Variants in ADAMTS19 observed in about 807,000 individuals in gnomAD.
ADAMTS19 encodes ADAM metallopeptidase with thrombospondin type 1 motif 19, also known as A disintegrin and metalloproteinase with thrombospondin motifs 19.
ADAMTS19 carries 93 observed loss-of-function variants against 153.3 expected under a neutral mutation model. That is an observed-to-expected ratio of 0.61 (90% CI 0.51 to 0.72). ADAMTS19 has a LOEUF of 0.72. Ranked by LOEUF, ADAMTS19 falls within the 30% of genes least tolerant of loss-of-function variation. The pLI is 0.00. For synonymous variants in ADAMTS19, 600 were observed against 556.6 expected (o/e 1.08, Z -1.10); for missense variants, 1,482 against 1,552.1 (o/e 0.95, Z 0.76).
At chr5:129,725,938 T>C (rs1308622271) in intron 21 of ADAMTS19, among the ~76,000 whole-genome samples, 1 of 152,140 alleles carries the variant, frequency 6.6e-6, no homozygotes, top group African/African-American at 2.4e-5. Context: ...GTAGATTTAA[T>C]TGATGAATAT....
Position 129,526,443 on chromosome 5 carries a change from C to G in ADAMTS19, c.1073C>G (p.Thr358Ser). The G allele has an allele frequency of 6.3e-7, 1 of 1,594,870 alleles. No homozygotes were observed. Among genetic ancestry groups the G allele is most frequent in the Non-Finnish European group, 8.5e-7 (1 of 1,172,824 alleles). ...GATGCAGCCAGGAGATTCATTCTAA[C>G]CATCTTAAATATGGTAGGCAAACTT... Reference protein sequence around the residue: ...GADAARRFILTILNMVFNLFQ... With the variant: ...GADAARRFILSILNMVFNLFQ... Residue 358 changes from threonine to serine, a missense_variant, in exon 4 of 23, where the codon ACC becomes AGC. Transcript: ENST00000274487.
At chr5:129,514,489 G>A (rs576403535) in intron 3 of ADAMTS19, among the ~76,000 whole-genome samples, 144 of 152,092 alleles carry the variant, frequency 9.5e-4, no homozygotes, top group African/African-American at 3.3e-3. Context: ...TTTTAACTGG[G>A]GTGAGATGAT....
At chr5:129,517,867 G>A (rs1193123035) in intron 3 of ADAMTS19, among the ~76,000 whole-genome samples, 1 of 151,678 alleles carries the variant, frequency 6.6e-6, no homozygotes, top group African/African-American at 2.4e-5. Flanking sequence ...TATCTTCCTT[G>A]TTTCTTTTCT....
At chr5:129,585,649 G>T (rs1369815695) in intron 7 of ADAMTS19, among the ~76,000 whole-genome samples, 1 of 151,972 alleles carries the variant, frequency 6.6e-6, no homozygotes. Flanking sequence ...GCATTTCCGT[G>T]TTTCAATTTG....
intron 8 of ADAMTS19, among the ~76,000 whole-genome samples, chr5:129,612,314 T>C (rs894137561): frequency 1.3e-5 from 2 of 151,998 alleles, no homozygotes; most frequent in Admixed American, 6.6e-5. Flanking sequence ...GCATCATTTT[T>C]TATGGCTGCA....
intron 21 of ADAMTS19, among the ~76,000 whole-genome samples, chr5:129,732,226 A>C (rs1009319818): frequency 1.3e-5 from 2 of 152,132 alleles, no homozygotes; most frequent in Non-Finnish European, 2.9e-5. Context: ...AGCCAACATC[A>C]TACTGAATGG....
rs575467084 is a variant in ADAMTS19 at position 129,673,952 on chromosome 5, CG to C, written c.2507-5808del. Among the ~76,000 whole-genome samples, 13 of 152,084 alleles carry C rather than the reference CG, an allele frequency of 8.5e-5. No homozygotes were observed. The East Asian group carries it at 2.3e-3, about 27-fold the overall frequency. On this transcript the variant is annotated intron_variant, in intron 16 of 22. Coordinates refer to ENST00000274487, the MANE Select transcript of ADAMTS19 (RefSeq NM_133638.6). ...ATCCATTAATAATATGGCCATTGGC[CG>C]GGGACGGTAACTCACGCCTGTAATG...
chr5:129,539,070 T>C (rs138172633), intron 6 of ADAMTS19, among the ~76,000 whole-genome samples: 33 of 152,246 alleles, frequency 2.2e-4, no homozygotes, highest in African/African-American at 7.5e-4. Flanking sequence ...TACGATTATG[T>C]CTGGCAAGTA....
At chr5:129,681,518 G>A (rs1754811199) in intron 17 of ADAMTS19, among the ~76,000 whole-genome samples, 1 of 151,976 alleles carries the variant, frequency 6.6e-6, no homozygotes, top group Non-Finnish European at 1.5e-5. Context: ...ATAATCCTGT[G>A]TAATATATAT....
intron 21 of ADAMTS19, among the ~76,000 whole-genome samples, chr5:129,714,979 T>A (rs193103126): frequency 4.1e-4 from 63 of 152,276 alleles, no homozygotes; most frequent in African/African-American, 1.3e-3. Flanking sequence ...TTTAAAAAAA[T>A]TTATAGATAA....
intron 2 of ADAMTS19, among the ~76,000 whole-genome samples, chr5:129,497,991 A>G (rs1357977348): frequency 6.6e-6 from 1 of 152,034 alleles, no homozygotes; most frequent in Admixed American, 6.6e-5. Context: ...TACACTTCAA[A>G]TAAAATCTAA....
At position 129,622,320 on chromosome 5, in the gene ADAMTS19, C is replaced by T; in HGVS notation, c.1742C>T (p.Pro581Leu). 6.2e-7 allele frequency: 1 copy of T among 1,613,958 alleles called. No individual in the cohort carries two copies. The highest frequency in any genetic ancestry group is 8.5e-7 in the Non-Finnish European group (1 of 1,179,948). Residue 581 changes from proline to leucine, a missense_variant, in exon 10 of 23, where the codon CCA becomes CTA. By Grantham distance (98) the Pro-to-Leu change is moderately conservative. Around this residue, in one of 2 missense-constraint regions of ADAMTS19, gnomAD observed 866 missense variants for 827.7 expected, o/e 1.05. Transcript: ENST00000274487. ...ADEQCQILFG[P>L]LASFCQEMQH... is the part of the protein sequence containing the mutation. Reference sequence around the variant, plus strand: ...GAACAATGCCAGATCCTTTTTGGGCCATTGGCTTCTTTTTGTCAGGAGATG... The same window carrying T: ...GAACAATGCCAGATCCTTTTTGGGCTATTGGCTTCTTTTTGTCAGGAGATG...
At chr5:129,722,616 A>G (rs1757051085) in intron 21 of ADAMTS19, among the ~76,000 whole-genome samples, 1 of 152,038 alleles carries the variant, frequency 6.6e-6, no homozygotes, top group Non-Finnish European at 1.5e-5. Context: ...CCCATTTGTC[A>G]ATTTTAGCTT....
intron 6 of ADAMTS19, among the ~76,000 whole-genome samples, chr5:129,546,113 A>G (rs1223707425): frequency 7.4e-5 from 11 of 148,936 alleles, no homozygotes; most frequent in Non-Finnish European, 1.5e-4. Context: ...GGAAATCATC[A>G]TTCTCAGTAA....
At position 129,735,108 on chromosome 5, in the gene ADAMTS19, G is replaced by A; in HGVS notation, c.3489G>A (p.Leu1163=). ...TAAATACCATAACATCACCCAGACT[G>A]GGTAAGCAGACAAAAAAAAAAGATG... ...INVNTITSPR[L]AALTFKCLGD... is the part of the protein sequence containing the mutation. Residue 1163 remains leucine (L), a splice_region_variant and synonymous_variant, in exon 22 of 23, where the codon CTG becomes CTA. Transcript: ENST00000274487. 2 of 1,556,980 alleles carry A rather than the reference G, an allele frequency of 1.3e-6. No homozygotes were observed. Among genetic ancestry groups the A allele is most frequent in the Non-Finnish European group, 1.7e-6 (2 of 1,156,920 alleles).
chr5:129,502,806 T>G (rs948378909), intron 2 of ADAMTS19, among the ~76,000 whole-genome samples: 1 of 152,192 alleles, frequency 6.6e-6, no homozygotes, highest in Non-Finnish European at 1.5e-5. Flanking sequence ...TATTAGACCT[T>G]ATGTATTGAA....
At chr5:129,570,078 C>G (rs1753842566) in intron 7 of ADAMTS19, among the ~76,000 whole-genome samples, 1 of 151,824 alleles carries the variant, frequency 6.6e-6, no homozygotes, top group Admixed American at 6.6e-5. Context: ...ATTTATGTTC[C>G]TATTGATTTA....
chr5:129,622,963 G>A (rs532282322), intron 10 of ADAMTS19, among the ~76,000 whole-genome samples: 9 of 152,024 alleles, frequency 5.9e-5, no homozygotes, highest in African/African-American at 2.2e-4. Flanking sequence ...AACTACAAAC[G>A]GGGAGGGCCA....
chr5:129,647,152 C>T (rs1380864519), intron 11 of ADAMTS19, among the ~76,000 whole-genome samples: 3 of 150,048 alleles, frequency 2.0e-5, no homozygotes, highest in African/African-American at 7.4e-5. Flanking sequence ...CATCTAATTG[C>T]CCACGTCTTT....
Sources: allele counts gnomAD v4.1 joint callset (sites outside exome capture counted in the v4.1 genomes callset), GRCh38; gene constraint gnomAD v4.1.1; regional missense constraint gnomAD v4.1.1; transcripts MANE v1.5; gene names NCBI Gene and HGNC (gene_info 2026-07-23, HGNC 2026-07-21).